CENPE: variants seen among roughly 807,000 people sequenced by gnomAD.
CENPE encodes centromere-associated protein E.
Under a neutral mutation model 336.1 loss-of-function variants are expected in CENPE, and 145 were observed. The observed-to-expected ratio is 0.43, with a 90% CI of 0.38 to 0.50. CENPE has a LOEUF of 0.50. Ranked by LOEUF, CENPE falls within the 20% of genes least tolerant of loss-of-function variation. CENPE has a pLI of 0.00. For synonymous variants in CENPE, 1,013 were observed against 984.8 expected, an observed-to-expected ratio of 1.03 and a Z score of -0.54; for missense variants, 2,719 against 3,023.3, an observed-to-expected ratio of 0.90 and a Z score of 2.36.
At chr4:103,155,748 T>C (rs1424745742) in intron 24 of CENPE, among the ~76,000 whole-genome samples, 2 of 152,188 alleles carry the variant, frequency 1.3e-5, no homozygotes, top group African/African-American at 2.4e-5. Flanking sequence ...AAAAGTTCCA[T>C]TTTCCAAGGC....
intron 45 of CENPE, among the ~76,000 whole-genome samples, chr4:103,115,505 C>G (rs1279779232): frequency 6.6e-6 from 1 of 152,048 alleles, no homozygotes; most frequent in Non-Finnish European, 1.5e-5. Context: ...TTCACTGAAA[C>G]CAATAGACTG....
At chr4:103,108,573 G>A (rs1389010249) in intron 48 of CENPE, among the ~76,000 whole-genome samples, 1 of 147,946 alleles carries the variant, frequency 6.8e-6, no homozygotes, top group African/African-American at 2.4e-5. Context: ...CGAAACTAAA[G>A]GCTTAAAGGG....
rs115439484 is a variant in CENPE, at chr4:103,138,427, T to C, written c.6227A>G (p.Lys2076Arg). 3.1e-6 allele frequency: 5 copies of C among 1,613,684 alleles called. No homozygotes were observed. Among genetic ancestry groups the C allele is most frequent in the Middle Eastern group, 1.7e-4 (1 of 6,060 alleles). The change falls in exon 39 of 49, where the codon AAA becomes AGA. Residue 2076 changes from lysine to arginine, a missense_variant. By Grantham distance (26) the Lys-to-Arg change is conservative. Around this residue, in one of 5 missense-constraint regions of CENPE, gnomAD observed 2,437 missense variants for 2,513.3 expected, o/e 0.97. Transcript: ENST00000265148. ...ATCACTTAGTAACCTTTTTTCAGGTTTTACTTGGTGGTTCTGTCGGTCCTG... is the reference window on the plus strand; with the variant it reads ...ATCACTTAGTAACCTTTTTTCAGGTCTTACTTGGTGGTTCTGTCGGTCCTG... ...IARDRQNHQV[K>R]PEKRLLSDGQ...
At position 103,156,187 on chromosome 4, in the gene CENPE, C is replaced by A. The variant is rs531746827; in HGVS notation, c.3033+2113G>T. ...CGAACAATCTACCATTTAATGTAAT[C>A]CCTATCAAAATCCCAATGGTGTCTT... On this transcript the variant is annotated intron_variant, in intron 24 of 48. Coordinates refer to ENST00000265148, the MANE Select transcript of CENPE (RefSeq NM_001813.3). Among the ~76,000 whole-genome samples the A allele has an allele frequency of 8.3e-4, 126 of 152,226 alleles. 3 individuals are homozygous for A. The South Asian group carries it at 0.025, about 31-fold the overall frequency.
chr4:103,157,771 T>C (rs1402746988), intron 24 of CENPE, among the ~76,000 whole-genome samples: 1 of 152,004 alleles, frequency 6.6e-6, no homozygotes, highest in African/African-American at 2.4e-5. Context: ...TACTACTATA[T>C]ACTATTCCAA....
chr4:103,148,403 G>A (rs771826800), intron 28 of CENPE, among the ~76,000 whole-genome samples: 69 of 151,990 alleles, frequency 4.5e-4, no homozygotes, highest in Admixed American at 1.1e-3. Flanking sequence ...GTAATTTTGC[G>A]TATTTCTGCA....
rs1053107391 is a variant in CENPE at position 103,191,408 on chromosome 4, A to T, written c.693+2821T>A. ...GACTTGGAACCAACCCAAATGTCCA[A>T]CAATGGTAGACTGGATTAAGAAAAT... On this transcript the variant is annotated intron_variant, in intron 8 of 48. Coordinates refer to ENST00000265148, the MANE Select transcript of CENPE (RefSeq NM_001813.3). 1.8e-4 allele frequency among the ~76,000 whole-genome samples: 27 copies of T among 152,336 alleles called. 1 individual carries two copies. In the South Asian group the frequency reaches 4.6e-3, roughly 26 times the overall value.
chr4:103,110,777 T>G (rs1364177971), intron 47 of CENPE, 51 bp downstream of exon 47: 1 of 1,402,658 alleles, frequency 7.1e-7, no homozygotes, highest in Non-Finnish European at 9.6e-7. Context: ...TGTCCCTACA[T>G]ATATGTAATA....
rs1411562304 is a variant in CENPE, at chr4:103,176,945, T to C, written c.1344A>G (p.Thr448=). Residue 448 remains threonine, a synonymous_variant, in exon 14 of 49, where the codon ACA becomes ACG. Coordinates refer to ENST00000265148, the MANE Select transcript of CENPE (RefSeq NM_001813.3). ...AATTTATAGAAAGCTTATGTGTTTT[T>C]GTTGTTATATTTGTTGGTATATTAA... ...DQFNIPTNIT[T]KTHKLSINLL... 3.8e-6 allele frequency: 6 copies of C among 1,599,720 alleles called. No homozygotes were observed. Among genetic ancestry groups the C allele is most frequent in the South Asian group, 1.1e-5 (1 of 88,938 alleles).
At chr4:103,141,219 C>T in intron 35 of CENPE, 115 bp from the exon 36 acceptor site, 1 of 622,792 alleles carries the variant, frequency 1.6e-6, no homozygotes, top group Non-Finnish European at 2.7e-6. Flanking sequence ...ATATCCTGCA[C>T]AATTCCACAC....
Position 103,182,795 on chromosome 4 carries a change from T to C in CENPE, c.930A>G (p.Pro310=), listed in dbSNP as rs745442369. Residue 310 remains proline (P), a synonymous_variant, in exon 11 of 49, where the codon CCA becomes CCG. Coordinates refer to ENST00000265148, the MANE Select transcript of CENPE (RefSeq NM_001813.3). ...AKTRIICTIT[P]VSFDETLTAL... ...CAGTAAGTGTTTCATCAAAAGATAC[T>C]GGAGTAATTGTGCAGATAATACGTG... is the stretch of plus-strand genomic sequence containing the variant. 3 of 1,612,012 alleles carry C rather than the reference T, an allele frequency of 1.9e-6. No homozygotes were observed. Among genetic ancestry groups the C allele is most frequent in the Non-Finnish European group, 8.5e-7 (1 of 1,178,798 alleles).
chr4:103,177,007 T>C lies in CENPE; in HGVS notation c.1282A>G (p.Ile428Val). Residue 428 changes from isoleucine to valine, a missense_variant, in exon 14 of 49, where the codon ATT (isoleucine) becomes GTT (valine). Ile to Val is a conservative substitution (Grantham distance 29, BLOSUM62 3). Transcript: ENST00000265148. The stretch of plus-strand genomic sequence containing the variant: ...TAGTTTGAGTTCTTCATTTTGTTAA[T>C]TTTGCCAAGGCACCAAGTAACTCTT... ...KRRVTWCLGK[I>V]NKMKNSNYAD... 1 of 1,608,772 alleles carries C rather than the reference T, an allele frequency of 6.2e-7. No individual in the cohort carries two copies. The highest frequency in any genetic ancestry group is 8.5e-7 in the Non-Finnish European group (1 of 1,178,370).
chr4:103,184,130 T>C (rs978736395), intron 9 of CENPE, among the ~76,000 whole-genome samples: 1 of 152,240 alleles, frequency 6.6e-6, no homozygotes, highest in African/African-American at 2.4e-5. Flanking sequence ...AATTAGCTAT[T>C]GCTTTAACAT....
intron 18 of CENPE, among the ~76,000 whole-genome samples, chr4:103,162,668 G>T (rs1039925989): frequency 6.6e-6 from 1 of 151,506 alleles, no homozygotes; most frequent in African/African-American, 2.4e-5. Flanking sequence ...AACCTCCCAG[G>T]CTCAAGCAAT....
chr4:103,187,372 GA>G (rs1305210556), intron 8 of CENPE, among the ~76,000 whole-genome samples: 1 of 152,098 alleles, frequency 6.6e-6, no homozygotes, highest in East Asian at 1.9e-4. Flanking sequence ...TGAAATGAAG[GA>G]AAAAATGTTA....
chr4:103,138,483 TG>T, intron 38 of CENPE, 34 bp from the exon 39 acceptor site: 2 of 1,381,524 alleles, frequency 1.4e-6, no homozygotes, highest in Non-Finnish European at 2.1e-6. Context: ...ACAGGGCTTT[TG>T]TCATGACTAT....
At chr4:103,126,766 C>A (rs1388146021) in intron 42 of CENPE, among the ~76,000 whole-genome samples, 1 of 151,984 alleles carries the variant, frequency 6.6e-6, no homozygotes, top group Non-Finnish European at 1.5e-5. Flanking sequence ...TGCTAGAGAT[C>A]AAAAATGCTC....
At chr4:103,109,160 T>A in intron 47 of CENPE, 71 bp from the exon 48 acceptor site, 1 of 1,129,556 alleles carries the variant, frequency 8.9e-7, no homozygotes, top group Non-Finnish European at 1.2e-6. Context: ...CATTTATATT[T>A]AAAAATTAAA....
intron 46 of CENPE, among the ~76,000 whole-genome samples, chr4:103,113,291 C>T (rs1749740003): frequency 7.1e-6 from 1 of 140,332 alleles, no homozygotes; most frequent in South Asian, 2.2e-4. Context: ...TTAGAAAATC[C>T]TTCACAGCAG....
Sources: gnomAD v4.1 joint callset for allele counts (sites outside exome capture counted in the v4.1 genomes callset) on GRCh38, gnomAD v4.1.1 for gene constraint, gnomAD v4.1.1 regional missense constraint, MANE v1.5 for transcripts, NCBI Gene and HGNC (gene_info 2026-07-23, HGNC 2026-07-21) for gene names.